Variants in MYH9 observed in about 807,000 individuals in gnomAD.
MYH9 encodes myosin-9.
Under a neutral mutation model 241.9 loss-of-function variants are expected in MYH9, and 29 were observed. The observed-to-expected ratio is 0.12, with a 90% CI of 0.09 to 0.16. The LOEUF (loss-of-function observed/expected upper bound fraction) is 0.16, where lower values mean the gene tolerates loss of function less well. MYH9 is among the 10% of genes least tolerant of loss of function. The pLI, the probability that MYH9 is intolerant of heterozygous loss-of-function variation, is 1.00. For synonymous variants in MYH9, 1,047 were observed against 1,062.6 expected (o/e 0.99, Z 0.29); for missense variants, 1,803 against 2,595.5 (o/e 0.69, Z 6.63).
rs779365782 is a variant in MYH9 at position 36,281,642 on chromosome 22, G to C, written c.*1026C>G. On this transcript the variant is annotated 3_prime_UTR_variant, in exon 41 of 41. Coordinates refer to ENST00000216181, the MANE Select transcript of MYH9 (RefSeq NM_002473.6). ...TCTTCTAAACAAAGGCAGTGAGAAA[G>C]ACTCGGAATTTTATCATTTATTACA... 5.6e-5 allele frequency: 13 copies of C among 230,522 alleles called. No individual in the cohort carries two copies. The highest frequency in any genetic ancestry group is 7.7e-5 in the Non-Finnish European group (9 of 116,162). 14.3% of individuals were successfully genotyped at this position (230,522 alleles called of 1,614,324 possible). A position where few individuals can be genotyped will look rare whatever the true frequency, so the allele number is the denominator to read the frequency against.
chr22:36,285,075 G>GT lies in MYH9; in HGVS notation c.5483+45dup, dbSNP rs1339655821. On this transcript the variant is annotated intron_variant, in intron 38 of 40. Coordinates refer to ENST00000216181, the MANE Select transcript of MYH9 (RefSeq NM_002473.6). This position sits in a 1 kb window ranked among gnomAD's most constrained non-coding sequence, Gnocchi z 7.0. ...TGGGCAGGACTGCAGGGGGGCCAGA[G>GT]TTTTTTCCAGGACAGCTGGGGTTGG... The GT allele has an allele frequency of 1.3e-6, 2 of 1,593,042 alleles. No homozygotes were observed. The highest frequency in any genetic ancestry group is 1.3e-5 in the African/African-American group (1 of 74,540).
At position 36,309,016 on chromosome 22, in the gene MYH9, C is replaced by G. The variant is rs2017016648; in HGVS notation, c.1843+266G>C. 1.2e-5 allele frequency: 4 copies of G among 345,990 alleles called. No individual in the cohort carries two copies. The South Asian group carries it at 3.5e-4, about 31-fold the overall frequency. The allele number at this position is 345,990 out of a possible 1,614,324, so 21.4% of individuals were successfully genotyped here. ...GGCGCGGGGCTGGGAGCCTGGGCTT[C>G]GAGGCTCGGGGCTGCCCTTGACTTT... is the stretch of plus-strand genomic sequence containing the variant. On this transcript the variant is annotated intron_variant, in intron 15 of 40. Transcript: ENST00000216181.
rs1337394247 is a variant in MYH9, at chr22:36,282,597, G to A, written c.*71C>T. The A allele has an allele frequency of 5.0e-6, 7 of 1,389,636 alleles. No individual in the cohort carries two copies. 86.1% of individuals were successfully genotyped at this position (1,389,636 alleles called of 1,614,324 possible). A position where few individuals can be genotyped will look rare whatever the true frequency, so the allele number is the denominator to read the frequency against. ...GTCCCAAGAAGGTGGGGAGAGGCGT[G>A]CTGCGGGGTCTGGGAAGGGGAGGCT... On this transcript the variant is annotated 3_prime_UTR_variant, in exon 41 of 41. Transcript: ENST00000216181.
intron 14 of MYH9, among the ~76,000 whole-genome samples, chr22:36,311,527 G>A (rs139014429): frequency 1.0e-3 from 156 of 152,304 alleles, no homozygotes; most frequent in African/African-American, 3.6e-3. Context: ...GACCCAGCCC[G>A]CAATACCAGG....
chr22:36,322,366 A>G (rs2017267544), intron 6 of MYH9, 63 bp downstream of exon 6: 2 of 1,563,268 alleles, frequency 1.3e-6, no homozygotes. Context: ...AAAAGGCAGC[A>G]TGAGCCAAAG....
chr22:36,365,832 AC>A (rs1276313774), intron 1 of MYH9, among the ~76,000 whole-genome samples: 1 of 152,312 alleles, frequency 6.6e-6, no homozygotes, highest in East Asian at 1.9e-4. Context: ...TCACAATGTG[AC>A]ATACACATGC....
chr22:36,307,482 G>A (rs780110468), intron 15 of MYH9, among the ~76,000 whole-genome samples: 1 of 152,224 alleles, frequency 6.6e-6, no homozygotes, highest in Non-Finnish European at 1.5e-5. Flanking sequence ...GACGAAGCCC[G>A]TTTCGTATTC....
At chr22:36,384,627 T>A (rs1456141266) in intron 1 of MYH9, among the ~76,000 whole-genome samples, 30 of 80,662 alleles carry the variant, frequency 3.7e-4, no homozygotes, top group African/African-American at 5.7e-4. Flanking sequence ...TATATATATA[T>A]ATATATATAT....
rs923481189 is a variant in MYH9 at position 36,361,726 on chromosome 22, T to A, written c.-19-12471A>T. 4.2e-4 allele frequency among the ~76,000 whole-genome samples: 64 copies of A among 152,188 alleles called. 2 individuals carry two copies. ...ATCAGCCATTTAGGAATGTGGACTT[T>A]ATTCTAGGGATAATTGGGGAGGAGC... is the stretch of plus-strand genomic sequence containing the variant. On this transcript the variant is annotated intron_variant, in intron 1 of 40. Transcript: ENST00000216181.
At chr22:36,328,692 C>T (rs922680356) in intron 3 of MYH9, among the ~76,000 whole-genome samples, 8 of 152,218 alleles carry the variant, frequency 5.3e-5, no homozygotes, top group African/African-American at 1.4e-4. Flanking sequence ...GACGTCGCCA[C>T]GATGGGTGGC....
intron 14 of MYH9, 125 bp downstream of exon 14, chr22:36,311,924 G>C: frequency 8.9e-7 from 1 of 1,126,686 alleles, no homozygotes; most frequent in Non-Finnish European, 1.3e-6. Flanking sequence ...GAGTCATTGT[G>C]CAAGAACCGT....
intron 2 of MYH9, among the ~76,000 whole-genome samples, chr22:36,342,325 T>C (rs1424605513): frequency 6.6e-6 from 1 of 152,102 alleles, no homozygotes; most frequent in Non-Finnish European, 1.5e-5. Context: ...TCTCTCCCCC[T>C]CCATTTCTCG....
intron 14 of MYH9, among the ~76,000 whole-genome samples, chr22:36,311,785 G>A (rs951765236): frequency 1.3e-5 from 2 of 152,218 alleles, no homozygotes; most frequent in African/African-American, 2.4e-5. Flanking sequence ...CAGGCCCAAC[G>A]ATAATGCATG....
At position 36,320,239 on chromosome 22, in the gene MYH9, G is replaced by A. The variant is rs1160315215; in HGVS notation, c.993C>T (p.Ile331=). 2 of 1,614,182 alleles carry A rather than the reference G, an allele frequency of 1.2e-6. No homozygotes were observed. Among genetic ancestry groups the A allele is most frequent in the East Asian group, 2.2e-5 (1 of 44,884 alleles). ...CTGTACCCATTTGCTCCTCTTCTGG[G>A]ATGCCCATAATCCTCATGGCCTCCA... The part of the protein sequence containing the change: ...ETMEAMRIMG[I]PEEEQMGLLR... Residue 331 remains isoleucine (I), a synonymous_variant, in exon 9 of 41, where the codon ATC becomes ATT. Transcript: ENST00000216181. This position sits in a 1 kb window ranked among gnomAD's most constrained non-coding sequence, Gnocchi z 4.8.
Position 36,285,660 on chromosome 22 carries a change from G to T in MYH9, c.5272C>A (p.Gln1758Lys). Residue 1758 changes from glutamine (Q) to lysine (K), a missense_variant and splice_region_variant, in exon 37 of 41, where the codon CAG becomes AAG. Coordinates refer to ENST00000216181, the MANE Select transcript of MYH9 (RefSeq NM_002473.6). The surrounding 1 kb of genome is among the most constrained non-coding windows in gnomAD (Gnocchi z 7.0). ...GTGGGAGAAGTCCTGGCACCCACCT[G>T]CAGGTTGGCCTTCTTCAGCCGGTCG... ...INDRLKKANL[Q>K]IDQINTDLNL... 1 of 1,612,272 alleles carries T rather than the reference G, an allele frequency of 6.2e-7. No individual in the cohort carries two copies. The highest frequency in any genetic ancestry group is 2.2e-5 in the East Asian group (1 of 44,876).
Position 36,293,690 on chromosome 22 carries a change from C to G in MYH9, c.3942+69G>C. 1 of 1,440,720 alleles carries G rather than the reference C, an allele frequency of 6.9e-7. No homozygotes were observed. Among genetic ancestry groups the G allele is most frequent in the Non-Finnish European group, 9.7e-7 (1 of 1,032,756 alleles). The allele number at this position is 1,440,720 out of a possible 1,614,324, so 89.2% of individuals were successfully genotyped here. ...ATGGGCAATCCGATGGGCTCTGAAG[C>G]TAATGTTGCGTGGACACAGAGGCCT... On this transcript the variant is annotated intron_variant, in intron 29 of 40. Coordinates refer to ENST00000216181, the MANE Select transcript of MYH9 (RefSeq NM_002473.6). The surrounding 1 kb of genome is among the most constrained non-coding windows in gnomAD (Gnocchi z 5.1).
At chr22:36,368,662 GC>G (rs2018046161) in intron 1 of MYH9, among the ~76,000 whole-genome samples, 1 of 152,208 alleles carries the variant, frequency 6.6e-6, no homozygotes, top group East Asian at 1.9e-4. Context: ...AGATAACAGT[GC>G]TGGGAGGTGG....
rs727504861 is a variant in MYH9, at chr22:36,319,592, G to T, written c.1056C>A (p.Ile352=). The change falls in exon 10 of 41, where the codon ATC becomes ATA. Residue 352 remains isoleucine (I), a synonymous_variant. Transcript: ENST00000216181. ...CAGTGTTCCGCTCCTTCTTGAAGAC[G>T]ATGTTGCCGAGCTGAAGAACCCCTG... ...VISGVLQLGN[I]VFKKERNTDQ... 49 of 1,614,008 alleles carry T rather than the reference G, an allele frequency of 3.0e-5. No individual in the cohort carries two copies. The highest frequency in any genetic ancestry group is 2.5e-6 in the Non-Finnish European group (3 of 1,180,034).
rs1442477064 is a variant in MYH9, at chr22:36,282,467, G to A, written c.*201C>T. 5.9e-5 allele frequency: 42 copies of A among 710,296 alleles called. No individual in the cohort carries two copies. Among genetic ancestry groups the A allele is most frequent in the Non-Finnish European group, 1.0e-4 (39 of 388,950 alleles). The allele number at this position is 710,296 out of a possible 1,614,324, so 44.0% of individuals were successfully genotyped here. On this transcript the variant is annotated 3_prime_UTR_variant, in exon 41 of 41. Coordinates refer to ENST00000216181, the MANE Select transcript of MYH9 (RefSeq NM_002473.6). ...TATCAGATTCTGAGCAGGGGAGGGAGCTGGAAGGGGATGCAGCAGAGGAAG... is the reference window on the plus strand; with the variant it reads ...TATCAGATTCTGAGCAGGGGAGGGAACTGGAAGGGGATGCAGCAGAGGAAG...
Sources: allele counts gnomAD v4.1 joint callset (sites outside exome capture counted in the v4.1 genomes callset), GRCh38; gene constraint gnomAD v4.1.1; non-coding constraint Gnocchi (gnomAD v3.1); transcripts MANE v1.5; gene names NCBI Gene and HGNC (gene_info 2026-07-23, HGNC 2026-07-21).